The following EPS15L1 variants were observed in gnomAD, a reference collection of about 807,000 sequenced individuals.
EPS15L1 encodes epidermal growth factor receptor substrate 15-like 1.
In EPS15L1, 43 loss-of-function variants were observed where a neutral mutation model predicts 117.1. The ratio of observed to expected loss-of-function variants is 0.37; its 90% confidence interval spans 0.29 to 0.47. EPS15L1 has a LOEUF of 0.47. Among genes scored for constraint, EPS15L1 ranks in the 20% least tolerant of loss-of-function variants. The pLI, the probability that EPS15L1 is intolerant of heterozygous loss-of-function variation, is 0.99. For missense variants in EPS15L1, 981 were observed against 1,164.0 expected (o/e 0.84, Z 2.29); for synonymous variants, 459 against 470.5 (o/e 0.98, Z 0.32).
intron 19 of EPS15L1, among the ~76,000 whole-genome samples, chr19:16,389,829 A>T (rs1390114574): frequency 6.6e-6 from 1 of 152,222 alleles, no homozygotes; most frequent in Admixed American, 6.5e-5. Flanking sequence ...CCTCAAGTAG[A>T]CTATGAAAAG....
intron 1 of EPS15L1, among the ~76,000 whole-genome samples, chr19:16,453,816 A>C (rs1475096486): frequency 6.6e-6 from 1 of 152,118 alleles, no homozygotes; most frequent in African/African-American, 2.4e-5. Flanking sequence ...TCATGTAACA[A>C]ATATGCACAT....
chr19:16,418,178 T>C, intron 10 of EPS15L1, 74 bp from the exon 11 acceptor site: 2 of 1,512,634 alleles, frequency 1.3e-6, no homozygotes, highest in Non-Finnish European at 1.8e-6. Flanking sequence ...ACCGATCCCT[T>C]GCTTTTCAAA....
intron 1 of EPS15L1, among the ~76,000 whole-genome samples, chr19:16,444,580 A>G (rs2145093238): frequency 6.6e-6 from 1 of 152,302 alleles, no homozygotes; most frequent in East Asian, 1.9e-4. Flanking sequence ...ATCTGTCAGT[A>G]AAGGTGACAG....
chr19:16,453,607 G>A (rs900378923), intron 1 of EPS15L1, among the ~76,000 whole-genome samples: 1 of 152,070 alleles, frequency 6.6e-6, no homozygotes, highest in African/African-American at 2.4e-5. Flanking sequence ...CAGCTACTCG[G>A]GAGGCTGAAG....
At chr19:16,406,107 C>A (rs1005163433) in intron 13 of EPS15L1, among the ~76,000 whole-genome samples, 35 of 152,172 alleles carry the variant, frequency 2.3e-4, no homozygotes, top group East Asian at 2.1e-3. Context: ...CCAGCCTGGG[C>A]TGCTGGGGTG....
At chr19:16,466,658 T>C (rs2093308100) in intron 1 of EPS15L1, among the ~76,000 whole-genome samples, 3 of 151,926 alleles carry the variant, frequency 2.0e-5, no homozygotes, top group Admixed American at 2.0e-4. Flanking sequence ...ATCCCAGCAC[T>C]TTGGGAGGCT....
At chr19:16,461,467 C>T (rs564150100) in intron 1 of EPS15L1, among the ~76,000 whole-genome samples, 1 of 151,832 alleles carries the variant, frequency 6.6e-6, no homozygotes. Context: ...ACAAAAAATA[C>T]AAAAATTGGC....
At chr19:16,470,279 C>G (rs2093337135) in intron 1 of EPS15L1, among the ~76,000 whole-genome samples, 1 of 151,714 alleles carries the variant, frequency 6.6e-6, no homozygotes, top group African/African-American at 2.4e-5. Context: ...CCCAGCTACT[C>G]AGGAGGCTGA....
At chr19:16,361,744 AG>A (rs1351145829) in intron 23 of EPS15L1, 34 bp downstream of exon 23, 1 of 1,594,068 alleles carries the variant, frequency 6.3e-7, no homozygotes, top group Non-Finnish European at 8.5e-7. Context: ...AGCGGAAGGG[AG>A]TGGGGTGGCC....
At chr19:16,421,536 G>A in intron 9 of EPS15L1, 60 bp from the exon 10 acceptor site, 1 of 1,530,264 alleles carries the variant, frequency 6.5e-7, no homozygotes, top group Non-Finnish European at 9.0e-7. Context: ...CCAGACACAT[G>A]CTTTTTGATG....
intron 12 of EPS15L1, among the ~76,000 whole-genome samples, chr19:16,414,952 T>C (rs957992929): frequency 6.6e-6 from 1 of 152,098 alleles, no homozygotes; most frequent in African/African-American, 2.4e-5. Flanking sequence ...ACCGATCCTC[T>C]TGCCTTGGCC....
intron 23 of EPS15L1, among the ~76,000 whole-genome samples, chr19:16,359,000 G>A (rs915871782): frequency 2.6e-5 from 4 of 152,242 alleles, no homozygotes; most frequent in Admixed American, 2.6e-4. Flanking sequence ...AGCCACACAC[G>A]CAAATAACCC....
chr19:16,467,299 C>G (rs969969413), intron 1 of EPS15L1, among the ~76,000 whole-genome samples: 10 of 151,848 alleles, frequency 6.6e-5, no homozygotes, highest in Non-Finnish European at 1.2e-4. Context: ...CAGGCGTCCG[C>G]CAGGACGCCA....
chr19:16,420,415 G>A (rs929711997), intron 10 of EPS15L1, among the ~76,000 whole-genome samples: 2 of 152,202 alleles, frequency 1.3e-5, no homozygotes, highest in African/African-American at 4.8e-5. Context: ...GTGTTTTGTT[G>A]GTTTCTAAAA....
rs1186106744 is a variant in EPS15L1 at position 16,413,965 on chromosome 19, A to C, written c.1194-120T>G. 3 of 730,348 alleles carry C rather than the reference A, an allele frequency of 4.1e-6. No homozygotes were observed. The African/African-American group carries it at 5.3e-5, about 13-fold the overall frequency. The allele number at this position is 730,348 out of a possible 1,614,324, so 45.2% of individuals were successfully genotyped here. Reference sequence around the variant, plus strand: ...TCTGTGTGCTGGCAGAAGTCTAAGAATGAGACCCAGCGACTGCTCGCCCTG... The same window carrying C: ...TCTGTGTGCTGGCAGAAGTCTAAGACTGAGACCCAGCGACTGCTCGCCCTG... On this transcript the variant is annotated intron_variant, in intron 12 of 23. Coordinates refer to ENST00000455140, the MANE Select transcript of EPS15L1 (RefSeq NM_001258374.3).
intron 1 of EPS15L1, among the ~76,000 whole-genome samples, chr19:16,458,186 C>T (rs572021130): frequency 2.6e-5 from 4 of 152,268 alleles, no homozygotes; most frequent in Admixed American, 2.6e-4. Flanking sequence ...AGGTCAGTGC[C>T]ATGCCACCTT....
rs1398614988 is a variant in EPS15L1, at chr19:16,404,298, C to G, written c.1428+290G>C. Among the ~76,000 whole-genome samples the G allele has an allele frequency of 1.3e-5, 2 of 152,158 alleles. No homozygotes were observed. Among genetic ancestry groups the G allele is most frequent in the Non-Finnish European group, 2.9e-5 (2 of 68,032 alleles). On this transcript the variant is annotated intron_variant, in intron 14 of 23. Coordinates refer to ENST00000455140, the MANE Select transcript of EPS15L1 (RefSeq NM_001258374.3). This position sits in a 1 kb window ranked among gnomAD's most constrained non-coding sequence, Gnocchi z 4.2. ...ACACCTGAGGAGGGGACACAGGCAC[C>G]CTGGAACTCCCTGTGTTGTGGGGCA...
At chr19:16,412,783 G>A (rs980692988) in intron 13 of EPS15L1, 18 of 415,666 alleles carry the variant, frequency 4.3e-5, no homozygotes, top group Non-Finnish European at 6.4e-5. Flanking sequence ...TTTCAGCAGT[G>A]GCATCTGGGG....
chr19:16,366,429 G>A (rs1490827787), intron 22 of EPS15L1, among the ~76,000 whole-genome samples: 1 of 152,138 alleles, frequency 6.6e-6, no homozygotes, highest in Non-Finnish European at 1.5e-5. Context: ...TTTGGGAGGA[G>A]CGGTTAAGAA....
Sources: gnomAD v4.1 joint callset for allele counts (sites outside exome capture counted in the v4.1 genomes callset) on GRCh38, gnomAD v4.1.1 for gene constraint, Gnocchi (gnomAD v3.1) non-coding constraint, MANE v1.5 for transcripts, NCBI Gene and HGNC (gene_info 2026-07-23, HGNC 2026-07-21) for gene names.